The following DOCK3 variants were observed in gnomAD, a reference collection of about 807,000 sequenced individuals.
DOCK3 encodes dedicator of cytokinesis 3.
A neutral mutation model predicts 265.6 loss-of-function variants in DOCK3; 60 were observed. The ratio of observed to expected loss-of-function variants is 0.23; its 90% CI spans 0.18 to 0.28. The LOEUF is 0.28. DOCK3 is among the 10% of genes least tolerant of loss of function. The pLI is 1.00. For synonymous variants in DOCK3, 881 were observed against 938.0 expected (o/e 0.94, Z 1.11); for missense variants, 1,981 against 2,594.3 (o/e 0.76, Z 5.14).
chr3:51,352,102 A>G (rs892881911), intron 40 of DOCK3, among the ~76,000 whole-genome samples: 3 of 152,242 alleles, frequency 2.0e-5, no homozygotes, highest in Non-Finnish European at 4.4e-5. Context: ...GAAGTCAGCA[A>G]AAGAAGTAGA....
chr3:51,318,719 C>T (rs1012511055), intron 32 of DOCK3, among the ~76,000 whole-genome samples: 1 of 151,796 alleles, frequency 6.6e-6, no homozygotes, highest in Non-Finnish European at 1.5e-5. Context: ...AGCTCAAGCT[C>T]CTTAATTATA....
intron 2 of DOCK3, among the ~76,000 whole-genome samples, chr3:50,817,532 A>G (rs775917900): frequency 5.7e-4 from 86 of 152,030 alleles, no homozygotes; most frequent in African/African-American, 1.5e-3. Context: ...CCTGGGGTCA[A>G]GTGATCCTCC....
At chr3:50,731,201 G>A (rs1195329258) in intron 1 of DOCK3, among the ~76,000 whole-genome samples, 2 of 151,574 alleles carry the variant, frequency 1.3e-5, no homozygotes, top group South Asian at 2.1e-4. Flanking sequence ...TTTAAATTCA[G>A]CATTATATAA....
At chr3:50,775,119 G>C (rs1023373081) in intron 1 of DOCK3, among the ~76,000 whole-genome samples, 1 of 151,790 alleles carries the variant, frequency 6.6e-6, no homozygotes, top group African/African-American at 2.4e-5. Context: ...TTTTCCTTTA[G>C]TCTCATGTCC....
chr3:50,929,017 C>G (rs2050916611), intron 4 of DOCK3, among the ~76,000 whole-genome samples: 1 of 152,170 alleles, frequency 6.6e-6, no homozygotes, highest in African/African-American at 2.4e-5. Context: ...GGAGGATAGG[C>G]TAAGCTATGG....
At chr3:50,849,968 C>G (rs753195131) in intron 3 of DOCK3, among the ~76,000 whole-genome samples, 9 of 151,882 alleles carry the variant, frequency 5.9e-5, no homozygotes, top group Non-Finnish European at 1.5e-5. Flanking sequence ...TTGGTTCAGT[C>G]TACCGATAAA....
chr3:51,221,604 T>G (rs1168599910), intron 14 of DOCK3, among the ~76,000 whole-genome samples: 1 of 152,194 alleles, frequency 6.6e-6, no homozygotes, highest in African/African-American at 2.4e-5. Flanking sequence ...CCTGTGAGAC[T>G]GTAAAAGGGA....
At position 51,341,296 on chromosome 3, in the gene DOCK3, C is replaced by T. The variant is rs577022342; in HGVS notation, c.3826C>T (p.Arg1276Trp). 22 of 1,611,982 alleles carry T rather than the reference C, an allele frequency of 1.4e-5. No individual in the cohort carries two copies. Among genetic ancestry groups the T allele is most frequent in the Admixed American group, 3.3e-5 (2 of 59,864 alleles). Residue 1276 changes from arginine (R) to tryptophan (W), a missense_variant, in exon 38 of 53, where the codon CGG becomes TGG. This residue lies in a region of DOCK3 where 1,357 missense variants were observed against 1,866.8 expected (regional missense o/e 0.73). Coordinates refer to ENST00000266037, the MANE Select transcript of DOCK3 (RefSeq NM_004947.5). ...GCTGCAGTGGGAGGACCGGCCACTA[C>T]GGGAATTCCTCCACTACCCATCGCA... ...ELLQWEDRPLREFLHYPSQTE... is the reference protein window; with the variant it reads ...ELLQWEDRPLWEFLHYPSQTE...
At chr3:51,089,167 C>A in intron 7 of DOCK3, 76 bp from the exon 8 acceptor site, 1 of 1,465,972 alleles carries the variant, frequency 6.8e-7, no homozygotes, top group South Asian at 1.2e-5. Flanking sequence ...AGCAGACTGC[C>A]CAGCATATAG....
chr3:51,090,146 T>G (rs1276103409), intron 8 of DOCK3, 84 bp from the exon 9 acceptor site: 2 of 1,362,190 alleles, frequency 1.5e-6, no homozygotes, highest in Non-Finnish European at 9.9e-7. Flanking sequence ...GTGAAAAGAG[T>G]TTGTAATTTA....
At chr3:51,181,543 A>G (rs2087295636) in intron 12 of DOCK3, among the ~76,000 whole-genome samples, 1 of 152,032 alleles carries the variant, frequency 6.6e-6, no homozygotes, top group Admixed American at 6.6e-5. Context: ...TAAAAAGGTA[A>G]TTTTTAATGT....
chr3:51,345,886 G>A (rs180783825), intron 38 of DOCK3, among the ~76,000 whole-genome samples: 48 of 152,124 alleles, frequency 3.2e-4, no homozygotes, highest in African/African-American at 1.1e-3. Flanking sequence ...AATATTTACC[G>A]GTGAAATTAT....
intron 2 of DOCK3, among the ~76,000 whole-genome samples, chr3:50,813,289 T>C (rs1199366379): frequency 1.3e-5 from 2 of 152,194 alleles, no homozygotes; most frequent in Non-Finnish European, 2.9e-5. Flanking sequence ...ATCCTAGCAC[T>C]TTGGCACACT....
chr3:51,324,216 C>T (rs1009687979), intron 32 of DOCK3, among the ~76,000 whole-genome samples: 3 of 152,226 alleles, frequency 2.0e-5, no homozygotes, highest in Non-Finnish European at 2.9e-5. Flanking sequence ...TGATAAGCAA[C>T]TTCAGCAAAG....
chr3:50,889,122 G>C (rs1396129558), intron 3 of DOCK3, among the ~76,000 whole-genome samples: 1 of 142,138 alleles, frequency 7.0e-6, no homozygotes, highest in Non-Finnish European at 1.5e-5. Flanking sequence ...TTTAAGACAG[G>C]TTCTTGCTCT....
chr3:50,977,849 ATTC>A (rs2077520546), intron 5 of DOCK3, among the ~76,000 whole-genome samples: 1 of 151,380 alleles, frequency 6.6e-6, no homozygotes, highest in Non-Finnish European at 1.5e-5. Flanking sequence ...ATTTCTTTTT[ATTC>A]TTTTTTCTCT....
At chr3:51,294,922 C>T (rs2081993282) in intron 27 of DOCK3, among the ~76,000 whole-genome samples, 1 of 152,090 alleles carries the variant, frequency 6.6e-6, no homozygotes, top group Non-Finnish European at 1.5e-5. Flanking sequence ...TGATAAATAT[C>T]TGAGGTGATG....
chr3:50,900,088 T>A (rs1443998276), intron 4 of DOCK3, among the ~76,000 whole-genome samples: 2 of 152,198 alleles, frequency 1.3e-5, no homozygotes, highest in African/African-American at 4.8e-5. Flanking sequence ...TTGGTTCCAT[T>A]CTCACCGTCA....
intron 40 of DOCK3, among the ~76,000 whole-genome samples, chr3:51,351,163 T>C (rs890732667): frequency 3.9e-5 from 6 of 152,210 alleles, no homozygotes; most frequent in Admixed American, 3.9e-4. Flanking sequence ...AGATGTGTTC[T>C]CAGATGATCT....
Sources: gnomAD v4.1 joint callset for allele counts (sites outside exome capture counted in the v4.1 genomes callset) on GRCh38, gnomAD v4.1.1 for gene constraint, gnomAD v4.1.1 regional missense constraint, MANE v1.5 for transcripts, NCBI Gene and HGNC (gene_info 2026-07-23, HGNC 2026-07-21) for gene names.